The following NFIB variants were observed in gnomAD, a reference collection of about 807,000 sequenced individuals.
NFIB encodes nuclear factor I B.
NFIB carries 11 observed loss-of-function variants against 61.5 expected under a neutral mutation model. That is an observed-to-expected ratio of 0.18 (90% confidence interval 0.11 to 0.30). NFIB has a LOEUF of 0.30. Ranked by LOEUF, NFIB falls within the 10% of genes least tolerant of loss-of-function variation. The pLI is 1.00. For missense variants in NFIB, 471 were observed against 608.9 expected (o/e 0.77, Z 2.38); for synonymous variants, 260 against 216.5 (o/e 1.20, Z -1.76).
chr9:14,161,973 G>T (rs1478906567), intron 3 of NFIB, among the ~76,000 whole-genome samples: 2 of 152,072 alleles, frequency 1.3e-5, no homozygotes, highest in African/African-American at 4.8e-5. Context: ...GTTTTTAATT[G>T]TGGCAAGTTG....
intron 2 of NFIB, among the ~76,000 whole-genome samples, chr9:14,284,502 T>C (rs2058582879): frequency 2.0e-5 from 3 of 152,202 alleles, no homozygotes; most frequent in African/African-American, 7.2e-5. Context: ...TCATAAACTC[T>C]TATCTAAATA....
chr9:14,149,223 A>T (rs566375396), intron 5 of NFIB, among the ~76,000 whole-genome samples: 2 of 152,310 alleles, frequency 1.3e-5, no homozygotes, highest in South Asian at 4.1e-4. Context: ...TATAAAATTG[A>T]TCTTAGTTTA....
intron 2 of NFIB, among the ~76,000 whole-genome samples, chr9:14,231,842 A>G (rs2131946351): frequency 6.6e-6 from 1 of 152,272 alleles, no homozygotes; most frequent in East Asian, 1.9e-4. Context: ...GTTAACAAAA[A>G]CCCTTTTTGT....
chr9:14,258,976 C>T (rs905218358), intron 2 of NFIB, among the ~76,000 whole-genome samples: 3 of 152,098 alleles, frequency 2.0e-5, no homozygotes, highest in African/African-American at 4.8e-5. Flanking sequence ...CCTCAAACCA[C>T]GTTCTAAGGT....
At chr9:14,174,538 C>T (rs2045930758) in intron 3 of NFIB, among the ~76,000 whole-genome samples, 1 of 151,874 alleles carries the variant, frequency 6.6e-6, no homozygotes. Context: ...GAGGCTGAGG[C>T]GGGTGGATCA....
chr9:14,421,562 G>A, the NFIB span, among the ~76,000 whole-genome samples: 1 of 152,212 alleles, frequency 6.6e-6, no homozygotes, highest in Non-Finnish European at 1.5e-5. Flanking sequence ...AGAAAGATAA[G>A]AAGATGGGTT....
intron 1 of NFIB, among the ~76,000 whole-genome samples, chr9:14,369,522 T>C (rs1450941820): frequency 2.0e-5 from 3 of 152,088 alleles, no homozygotes; most frequent in Non-Finnish European, 4.4e-5. Context: ...CAGAAGGTGC[T>C]TCAGCTTTAA....
upstream of NFIB, among the ~76,000 whole-genome samples, chr9:14,315,890 T>A (rs866392956): frequency 5.3e-5 from 8 of 151,288 alleles, 1 homozygote; most frequent in Middle Eastern, 0.01. Flanking sequence ...CGGGGGGCGC[T>A]GGGGCTACCG....
the NFIB span, among the ~76,000 whole-genome samples, chr9:14,438,978 G>C: frequency 3.3e-5 from 5 of 152,148 alleles, no homozygotes; most frequent in African/African-American, 1.2e-4. Context: ...AGATTCTGAG[G>C]TTTTAAGAAA....
At chr9:14,376,180 C>T (rs1419833219) in intron 1 of NFIB, among the ~76,000 whole-genome samples, 1 of 152,176 alleles carries the variant, frequency 6.6e-6, no homozygotes, top group African/African-American at 2.4e-5. Context: ...CCCACTTCAG[C>T]CTCCCAAATG....
chr9:14,421,883 C>A, the NFIB span, among the ~76,000 whole-genome samples: 5 of 152,118 alleles, frequency 3.3e-5, no homozygotes, highest in African/African-American at 7.2e-5. Flanking sequence ...ATATTCAGGA[C>A]TCCAAAGATA....
chr9:14,270,771 G>C (rs1441031562), intron 2 of NFIB, among the ~76,000 whole-genome samples: 1 of 152,048 alleles, frequency 6.6e-6, no homozygotes, highest in Non-Finnish European at 1.5e-5. Flanking sequence ...ATATTGAGGT[G>C]ACAGGAAACA....
At chr9:14,403,137 T>A (rs1262477803), upstream of NFIB, among the ~76,000 whole-genome samples, 1 of 152,194 alleles carries the variant, frequency 6.6e-6, no homozygotes, top group Non-Finnish European at 1.5e-5. Flanking sequence ...TGCACCTTTA[T>A]CCCAGCCCCT....
intron 1 of NFIB, among the ~76,000 whole-genome samples, chr9:14,335,797 T>C (rs926554775): frequency 2.6e-5 from 4 of 152,244 alleles, no homozygotes; most frequent in African/African-American, 9.6e-5. Context: ...AGAAATTTTA[T>C]AGTTTTATGT....
chr9:14,210,715 A>T (rs1199855307), intron 2 of NFIB, among the ~76,000 whole-genome samples: 1 of 152,138 alleles, frequency 6.6e-6, no homozygotes, highest in Non-Finnish European at 1.5e-5. Flanking sequence ...GATTACTATA[A>T]GTACAATAGA....
In NFIB at chr9:14,297,621, A is replaced by G. The variant is rs12684465; in HGVS notation, c.562+9368T>C. 9.8e-5 allele frequency among the ~76,000 whole-genome samples: 15 copies of G among 152,366 alleles called. No individual in the cohort carries two copies. In the East Asian group the frequency reaches 2.5e-3, roughly 25 times the overall value. On this transcript the variant is annotated intron_variant, in intron 2 of 10. Transcript: ENST00000380953. ...ATCTACTGCTTTTTTCCCAGGTTCT[A>G]GCGCCTGTAGCACATTGTCTCTCAT...
At chr9:14,482,901 T>G in the NFIB span, among the ~76,000 whole-genome samples, 1 of 152,230 alleles carries the variant, frequency 6.6e-6, no homozygotes, top group Admixed American at 6.5e-5. Context: ...GACTTTTTAT[T>G]GAGTGTGCCA....
chr9:14,142,904 G>A (rs2041910499), intron 6 of NFIB, among the ~76,000 whole-genome samples: 1 of 152,036 alleles, frequency 6.6e-6, no homozygotes, highest in Non-Finnish European at 1.5e-5. Context: ...AAATATAACA[G>A]TTGTTGGATA....
intron 3 of NFIB, among the ~76,000 whole-genome samples, chr9:14,174,116 G>A (rs2045879026): frequency 6.6e-6 from 1 of 152,012 alleles, no homozygotes; most frequent in African/African-American, 2.4e-5. Context: ...TTTATTGAAT[G>A]TGACGTCTCC....
Sources: allele counts gnomAD v4.1 joint callset (sites outside exome capture counted in the v4.1 genomes callset), GRCh38; gene constraint gnomAD v4.1.1; transcripts MANE v1.5; gene names NCBI Gene and HGNC (gene_info 2026-07-23, HGNC 2026-07-21).